UGCG: variants seen among roughly 807,000 people sequenced by gnomAD.
UGCG encodes ceramide glucosyltransferase.
In UGCG, 10 loss-of-function variants were observed where a neutral mutation model predicts 49.5. The ratio of observed to expected loss-of-function variants is 0.20; its 90% CI spans 0.12 to 0.34. The LOEUF (loss-of-function observed/expected upper bound fraction) is 0.34, where lower values mean the gene tolerates loss of function less well. Among genes scored for constraint, UGCG ranks in the 10% least tolerant of loss-of-function variants. UGCG has a pLI of 1.00. For missense variants in UGCG, 312 were observed against 483.7 expected (o/e 0.65, Z 3.33); for synonymous variants, 182 against 158.2 (o/e 1.15, Z -1.13).
At chr9:111,921,801 G>GTTTTTTTTT (rs1564203243) in intron 2 of UGCG, among the ~76,000 whole-genome samples, 9 of 48,034 alleles carry the variant, frequency 1.9e-4, no homozygotes, top group East Asian at 2.7e-3. Context: ...GCCCCAGGGT[G>GTTTTTTTTT]ATTTTTTTTT....
At chr9:111,898,385 AG>A (rs1454096793) in intron 1 of UGCG, among the ~76,000 whole-genome samples, 2 of 149,972 alleles carry the variant, frequency 1.3e-5, no homozygotes, top group Non-Finnish European at 3.0e-5. Context: ...AGTTACTTTT[AG>A]TTTTTTGGTT....
intron 6 of UGCG, among the ~76,000 whole-genome samples, chr9:111,930,162 G>A (rs1352991925): frequency 1.3e-5 from 2 of 152,106 alleles, no homozygotes; most frequent in African/African-American, 2.4e-5. Context: ...TTATAGAATT[G>A]TAGATATGTA....
intron 3 of UGCG, among the ~76,000 whole-genome samples, chr9:111,924,328 CAT>C (rs1159583485): frequency 1.3e-5 from 2 of 152,150 alleles, no homozygotes; most frequent in African/African-American, 2.4e-5. Context: ...CATTACCACA[CAT>C]ATTTATTCAT....
chr9:111,930,826 T>A (rs934027373), intron 6 of UGCG, among the ~76,000 whole-genome samples: 6 of 152,222 alleles, frequency 3.9e-5, no homozygotes, highest in Non-Finnish European at 7.3e-5. Context: ...TTAAATTTTT[T>A]AAAAACTGAA....
At chr9:111,928,166 G>A (rs1014145398) in intron 5 of UGCG, among the ~76,000 whole-genome samples, 1 of 152,158 alleles carries the variant, frequency 6.6e-6, no homozygotes, top group South Asian at 2.1e-4. Context: ...GGTACATTGT[G>A]GGAACTTGCA....
At chr9:111,916,222 G>A (rs139503966) in intron 2 of UGCG, among the ~76,000 whole-genome samples, 11 of 152,226 alleles carry the variant, frequency 7.2e-5, no homozygotes, top group African/African-American at 2.6e-4. Flanking sequence ...TAATGTTTAC[G>A]AATGAAAGAA....
At chr9:111,914,454 A>G (rs1293348292) in intron 1 of UGCG, 151 bp from the exon 2 acceptor site, 7 of 699,080 alleles carry the variant, frequency 1.0e-5, no homozygotes, top group Non-Finnish European at 1.6e-5. Context: ...ACCTGGTTCT[A>G]CTTCCCTTCA....
In UGCG at chr9:111,900,496, G is replaced by A. The variant is rs1412839061; in HGVS notation, c.98+3183G>A. On this transcript the variant is annotated intron_variant, in intron 1 of 8. Coordinates refer to ENST00000374279, the MANE Select transcript of UGCG (RefSeq NM_003358.3). ...TGTATATGTGTGTGTGTGTGTGTGT[G>A]TGTATTCTTTCTTTGATACAGGGTC... 4.6e-5 allele frequency among the ~76,000 whole-genome samples: 7 copies of A among 152,128 alleles called. No individual in the cohort carries two copies. In the East Asian group the frequency reaches 1.4e-3, roughly 29 times the overall value.
intron 1 of UGCG, among the ~76,000 whole-genome samples, chr9:111,910,266 C>T (rs1737868275): frequency 6.6e-6 from 1 of 152,212 alleles, no homozygotes; most frequent in Admixed American, 6.5e-5. Context: ...TTGCCACAGG[C>T]ACTGAGATTA....
intron 1 of UGCG, among the ~76,000 whole-genome samples, chr9:111,900,760 TG>T (rs1837753559): frequency 6.6e-6 from 1 of 152,144 alleles, no homozygotes; most frequent in Non-Finnish European, 1.5e-5. Context: ...CCCAAAGTGC[TG>T]GGATTACAGG....
intron 1 of UGCG, among the ~76,000 whole-genome samples, chr9:111,913,655 G>A (rs986002947): frequency 3.4e-5 from 5 of 148,080 alleles, no homozygotes; most frequent in African/African-American, 1.3e-4. Context: ...GGCCAGGCTG[G>A]TCTCGAACTC....
Position 111,924,483 on chromosome 9 carries a change from A to G in UGCG, c.344-294A>G, listed in dbSNP as rs559544009. Among the ~76,000 whole-genome samples the G allele has an allele frequency of 5.3e-5, 8 of 152,284 alleles. No homozygotes were observed. The East Asian group carries it at 7.7e-4, about 15-fold the overall frequency. On this transcript the variant is annotated intron_variant, in intron 3 of 8. Coordinates refer to ENST00000374279, the MANE Select transcript of UGCG (RefSeq NM_003358.3). ...TACATTGTTGTTACCTATAGTTGCC[A>G]TGTTGTACAATTGCCATTAAATATT...
chr9:111,923,006 A>T, intron 3 of UGCG, 55 bp downstream of exon 3: 1 of 1,163,462 alleles, frequency 8.6e-7, no homozygotes, highest in Non-Finnish European at 1.3e-6. Context: ...AAGTATCAGT[A>T]ATCTCTGCAT....
chr9:111,912,293 T>C (rs573458833), intron 1 of UGCG, among the ~76,000 whole-genome samples: 14 of 151,898 alleles, frequency 9.2e-5, no homozygotes, highest in African/African-American at 2.7e-4. Context: ...AATTATCCAA[T>C]CTGGCTGGCT....
At chr9:111,920,585 G>A (rs901616680) in intron 2 of UGCG, among the ~76,000 whole-genome samples, 4 of 152,030 alleles carry the variant, frequency 2.6e-5, no homozygotes, top group East Asian at 1.9e-4. Flanking sequence ...GGCTGGCCTC[G>A]AACTCCTGAC....
chr9:111,921,280 A>G (rs191877422), intron 2 of UGCG, among the ~76,000 whole-genome samples: 46 of 152,166 alleles, frequency 3.0e-4, no homozygotes, highest in Non-Finnish European at 5.4e-4. Context: ...ACTTCTGGGG[A>G]AAAAAATCAC....
At chr9:111,902,267 A>G (rs924481301) in intron 1 of UGCG, among the ~76,000 whole-genome samples, 1 of 152,214 alleles carries the variant, frequency 6.6e-6, no homozygotes, top group African/African-American at 2.4e-5. Context: ...ATAGTGTAGT[A>G]AGCCCATTGT....
At chr9:111,924,047 C>A (rs1167837332) in intron 3 of UGCG, among the ~76,000 whole-genome samples, 2 of 152,150 alleles carry the variant, frequency 1.3e-5, no homozygotes, top group Non-Finnish European at 2.9e-5. Context: ...CTCGACCTCC[C>A]AAAGTGCTGG....
At chr9:111,926,714 G>A (rs572798038) in intron 5 of UGCG, among the ~76,000 whole-genome samples, 37 of 152,206 alleles carry the variant, frequency 2.4e-4, no homozygotes, top group Admixed American at 9.8e-4. Context: ...ACAGCTGTGC[G>A]CAGGAAATGC....
Sources: gnomAD v4.1 joint callset for allele counts (sites outside exome capture counted in the v4.1 genomes callset) on GRCh38, gnomAD v4.1.1 for gene constraint, MANE v1.5 for transcripts, NCBI Gene and HGNC (gene_info 2026-07-23, HGNC 2026-07-21) for gene names.